Variants in CPAMD8 observed in about 807,000 individuals in gnomAD.
CPAMD8 encodes C3 and PZP like alpha-2-macroglobulin domain containing 8, also known as C3 and PZP-like alpha-2-macroglobulin domain-containing protein 8.
Under a neutral mutation model 224.7 loss-of-function variants are expected in CPAMD8, and 146 were observed. The observed-to-expected ratio is 0.65, with a 90% CI of 0.57 to 0.75. The LOEUF is 0.75. Among genes scored for constraint, CPAMD8 ranks in the 30% least tolerant of loss-of-function variants. CPAMD8 has a pLI of 0.00. For synonymous variants in CPAMD8, 966 were observed against 1,044.6 expected, an observed-to-expected ratio of 0.92 and a Z score of 1.45; for missense variants, 2,301 against 2,537.5, an observed-to-expected ratio of 0.91 and a Z score of 2.00.
chr19:17,008,808 C>A lies in CPAMD8; in HGVS notation c.505-249G>T, dbSNP rs1357035415. 47 of 552,180 alleles carry A rather than the reference C, an allele frequency of 8.5e-5. No homozygotes were observed. In the Admixed American group the frequency reaches 8.8e-4, roughly 10 times the overall value. The allele number at this position is 552,180 out of a possible 1,614,324, so 34.2% of individuals were successfully genotyped here. On this transcript the variant is annotated intron_variant, in intron 6 of 41. Coordinates refer to ENST00000443236, the MANE Select transcript of CPAMD8 (RefSeq NM_015692.5). ...TGTACAAACCTAGAAATGGACGTGGCTGGGTGTGGTGGCTCACACCTGTAA... is the reference window on the plus strand; with the variant it reads ...TGTACAAACCTAGAAATGGACGTGGATGGGTGTGGTGGCTCACACCTGTAA...
At chr19:16,932,952 T>A (rs1357328675) in intron 23 of CPAMD8, among the ~76,000 whole-genome samples, 1 of 152,174 alleles carries the variant, frequency 6.6e-6, no homozygotes, top group Non-Finnish European at 1.5e-5. Flanking sequence ...TTCTTTTCCC[T>A]TTTTTCCAGT....
intron 22 of CPAMD8, among the ~76,000 whole-genome samples, chr19:16,940,867 G>A (rs1185507980): frequency 6.6e-6 from 1 of 152,206 alleles, no homozygotes; most frequent in Non-Finnish European, 1.5e-5. Context: ...TACCTGCCTG[G>A]CCCCTTGTCG....
chr19:16,901,566 G>A (rs1161074355), intron 35 of CPAMD8, among the ~76,000 whole-genome samples: 1 of 152,180 alleles, frequency 6.6e-6, no homozygotes, highest in African/African-American at 2.4e-5. Flanking sequence ...TTCTGTCCTG[G>A]ACTTCACTCT....
At chr19:16,902,925 G>T in intron 34 of CPAMD8, 62 bp from the exon 35 acceptor site, 1 of 1,078,908 alleles carries the variant, frequency 9.3e-7, no homozygotes, top group African/African-American at 1.6e-5. Context: ...GTGCAGGGTA[G>T]GGGAGGAGAA....
At chr19:17,009,609 C>T (rs111855864) in intron 5 of CPAMD8, 5,845 of 262,270 alleles carry the variant, frequency 0.022, 315 homozygotes, top group African/African-American at 0.12. Flanking sequence ...CCCGTCTCTA[C>T]AAAAAATAGA....
intron 18 of CPAMD8, among the ~76,000 whole-genome samples, chr19:16,963,898 C>T (rs1402255756): frequency 6.6e-6 from 1 of 152,144 alleles, no homozygotes; most frequent in South Asian, 2.1e-4. Flanking sequence ...CTCAAAACCA[C>T]ACAACCACAT....
At chr19:16,964,736 A>C (rs990458301) in intron 18 of CPAMD8, among the ~76,000 whole-genome samples, 1 of 152,194 alleles carries the variant, frequency 6.6e-6, no homozygotes, top group Non-Finnish European at 1.5e-5. Context: ...ACACAACAAA[A>C]AAAAGAGAAT....
intron 17 of CPAMD8, among the ~76,000 whole-genome samples, chr19:16,972,790 C>T (rs1418896398): frequency 3.9e-5 from 6 of 152,138 alleles, no homozygotes; most frequent in Non-Finnish European, 7.4e-5. Flanking sequence ...CCTCTGACTT[C>T]CAGAAGGGAC....
rs1268189653 is a variant in CPAMD8, at chr19:16,914,798, G to A, written c.3645C>T (p.Val1215=). 1 of 1,611,304 alleles carries A rather than the reference G, an allele frequency of 6.2e-7. No individual in the cohort carries two copies. ...TGCGAGCCTGTGCGAAGGACTTCAG[G>A]ACAAAGGCTGTGAGCCTGAAAGAGG... ...ASGSMWLTAF[V]LKSFAQARSF... The change falls in exon 28 of 42, where the codon GTC becomes GTT. Residue 1215 remains valine, a synonymous_variant. Transcript: ENST00000443236.
chr19:16,897,479 T>TC (rs571335114), intron 39 of CPAMD8: 6 of 552,372 alleles, frequency 1.1e-5, no homozygotes, highest in African/African-American at 1.1e-4. Flanking sequence ...CACTTACCAC[T>TC]CCCCCAGCCA....
At chr19:17,023,880 A>G (rs1049599224) in intron 1 of CPAMD8, among the ~76,000 whole-genome samples, 9 of 152,090 alleles carry the variant, frequency 5.9e-5, no homozygotes, top group Non-Finnish European at 1.0e-4. Context: ...CCTGGCCTCA[A>G]TAGTGTCTCT....
chr19:16,987,152 C>CAA lies in CPAMD8; in HGVS notation c.1395+2489_1395+2490dup, dbSNP rs1214757739. 3.3e-3 allele frequency among the ~76,000 whole-genome samples: 75 copies of CAA among 22,990 alleles called. 6 individuals are homozygous for CAA. The highest frequency in any genetic ancestry group is 0.014 in the South Asian group (5 of 350). 15.1% of individuals were successfully genotyped at this position (22,990 alleles called of 152,430 possible). On this transcript the variant is annotated intron_variant, in intron 13 of 41. Transcript: ENST00000443236. ...CCAGCCTGGGAGACAGAGACTCTGT[C>CAA]AAAAAAAAAAAAAAAAAAAAAAAAA...
intron 3 of CPAMD8, among the ~76,000 whole-genome samples, chr19:17,017,311 T>C (rs1347264536): frequency 2.0e-5 from 3 of 152,164 alleles, no homozygotes; most frequent in Non-Finnish European, 4.4e-5. Flanking sequence ...AGTTATATCA[T>C]TATTTCGTTA....
At chr19:17,025,791 A>G (rs776769861) in intron 1 of CPAMD8, among the ~76,000 whole-genome samples, 4 of 152,200 alleles carry the variant, frequency 2.6e-5, no homozygotes, top group Non-Finnish European at 5.9e-5. Flanking sequence ...CTGGATGCTC[A>G]GAGCGCAGTA....
intron 22 of CPAMD8, 122 bp from the exon 23 acceptor site, chr19:16,938,568 G>A: frequency 1.6e-6 from 1 of 618,934 alleles, no homozygotes. Flanking sequence ...TGTGCTTCCA[G>A]GTTTTACGTG....
chr19:16,961,413 T>C (rs908833324), intron 18 of CPAMD8, among the ~76,000 whole-genome samples: 2 of 152,252 alleles, frequency 1.3e-5, no homozygotes, highest in African/African-American at 4.8e-5. Context: ...TGCTCACTGC[T>C]AGCACAGCAG....
At chr19:16,901,343 G>T in intron 35 of CPAMD8, 46 bp from the exon 36 acceptor site, 1 of 1,331,886 alleles carries the variant, frequency 7.5e-7, no homozygotes. Context: ...CTCAAGCCCA[G>T]AGGTGGAATT....
chr19:17,020,453 G>T, intron 2 of CPAMD8, 100 bp from the exon 3 acceptor site: 1 of 856,188 alleles, frequency 1.2e-6, no homozygotes. Context: ...TTAACCCAAA[G>T]GGGTTTCATG....
chr19:16,974,978 A>T, intron 17 of CPAMD8, 119 bp downstream of exon 17: 1 of 1,371,106 alleles, frequency 7.3e-7, no homozygotes, highest in Non-Finnish European at 9.8e-7. Flanking sequence ...CCATCTCGAA[A>T]AAAAGAAAGA....
Sources: allele counts gnomAD v4.1 joint callset (sites outside exome capture counted in the v4.1 genomes callset), GRCh38; gene constraint gnomAD v4.1.1; transcripts MANE v1.5; gene names NCBI Gene and HGNC (gene_info 2026-07-23, HGNC 2026-07-21).